PCDH19: variants seen among roughly 807,000 people sequenced by gnomAD.
PCDH19 encodes the protein protocadherin-19.
PCDH19 carries 6 observed loss-of-function variants against 46.2 expected under a neutral mutation model. That is an observed-to-expected ratio of 0.13 (90% CI 0.07 to 0.26). The LOEUF is 0.26. Ranked by LOEUF, PCDH19 falls within the 10% of genes least tolerant of loss-of-function variation. The pLI is 1.00. For synonymous variants in PCDH19, 481 were observed against 415.7 expected (o/e 1.16, Z -1.91); for missense variants, 740 against 972.3 (o/e 0.76, Z 3.18).
In PCDH19 at chrX:100,294,218, G is replaced by A. The variant is rs1924520085; in HGVS notation, c.*2059C>T. The A allele has an allele frequency of 8.9e-6, 1 of 112,017 alleles. No individual in the cohort carries two copies. The highest frequency in any genetic ancestry group is 1.9e-5 in the Non-Finnish European group (1 of 53,117). 9.2% of individuals were successfully genotyped at this position (112,017 alleles called of 1,213,427 possible). A position where few individuals can be genotyped will look rare whatever the true frequency, so the allele number is the denominator to read the frequency against. ...CTACCAAAATGAAATAAATCAGAGG[G>A]AGAAAACTGTATGAGAGGCAATGAA... On this transcript the variant is annotated 3_prime_UTR_variant, in exon 6 of 6. Transcript: ENST00000373034.
chrX:100,343,231 C>G (rs761266250), intron 4 of PCDH19, among the ~76,000 whole-genome samples: 6 of 111,768 alleles, frequency 5.4e-5, no homozygotes, highest in African/African-American at 1.6e-4. Context: ...CCCTGGTTCT[C>G]CACCTTGCAG....
In PCDH19 at chrX:100,403,617, T is replaced by C; in HGVS notation, c.2195A>G (p.Gln732Arg). The C allele has an allele frequency of 8.3e-7, 1 of 1,208,083 alleles. No homozygotes were observed. Among genetic ancestry groups the C allele is most frequent in the Admixed American group, 2.2e-5 (1 of 45,948 alleles). The change falls in exon 2 of 6, where the codon CAA becomes CGA. Residue 732 changes from glutamine to arginine, a missense_variant. Around this residue, in one of 5 missense-constraint regions of PCDH19, gnomAD observed 416 missense variants for 476.8 expected, o/e 0.87. Coordinates refer to ENST00000373034, the MANE Select transcript of PCDH19 (RefSeq NM_001184880.2). ...GATGCAATGCAGACACTTGCTGTTT[T>C]GTCCTTTTATAAAACAGCCGAGGAG... ...TCLLGCFIKG[Q>R]NSKCLHCISV...
At position 100,410,189 on chromosome X, in the gene PCDH19, C is replaced by A; in HGVS notation, c.-1592G>T. On this transcript the variant is annotated 5_prime_UTR_variant, in exon 1 of 6. Coordinates refer to ENST00000373034, the MANE Select transcript of PCDH19 (RefSeq NM_001184880.2). ...GCATGGTGCACGGGAGCTGTGCTGC[C>A]GTCTGTGCCCGCTCGTCCGTCTCCG... The A allele has an allele frequency of 3.4e-6, 1 of 296,662 alleles. No homozygotes were observed. The highest frequency in any genetic ancestry group is 2.0e-4 in the South Asian group (1 of 5,040). 24.4% of individuals were successfully genotyped at this position (296,662 alleles called of 1,213,427 possible). A position where few individuals can be genotyped will look rare whatever the true frequency, so the allele number is the denominator to read the frequency against.
At chrX:100,350,555 C>CA (rs1014905103) in intron 4 of PCDH19, 91 bp downstream of exon 4, 8 of 633,280 alleles carry the variant, frequency 1.3e-5, no homozygotes, top group African/African-American at 1.1e-4. Flanking sequence ...TAAAATCCCC[C>CA]AAAAAAATAC....
chrX:100,351,052 T>C (rs1006280134), intron 3 of PCDH19, among the ~76,000 whole-genome samples: 1 of 113,105 alleles, frequency 8.8e-6, no homozygotes, highest in African/African-American at 3.2e-5. Flanking sequence ...GCCCATCAAA[T>C]TGACTGGAAG....
chrX:100,310,878 G>T (rs1285312138), intron 5 of PCDH19, among the ~76,000 whole-genome samples: 1 of 109,210 alleles, frequency 9.2e-6, no homozygotes, highest in Non-Finnish European at 1.9e-5. Flanking sequence ...TTAGAGACAA[G>T]ATCTCACTCT....
chrX:100,313,901 A>ACACACACTCT lies in PCDH19; in HGVS notation c.2849-17027_2849-17026insAGAGTGTGTG, dbSNP rs1220794158. The stretch of plus-strand genomic sequence containing the variant: ...CACACACACACACACACACACACAC[A>ACACACACTCT]CACACAAAGTCTATACAGAATTGTA... On this transcript the variant is annotated intron_variant, in intron 5 of 5. Transcript: ENST00000373034. 2.1e-3 allele frequency among the ~76,000 whole-genome samples: 218 copies of ACACACACTCT among 102,107 alleles called. 1 individual carries two copies. Among genetic ancestry groups the ACACACACTCT allele is most frequent in the Middle Eastern group, 5.1e-3 (1 of 198 alleles). 88.7% of individuals were successfully genotyped at this position (102,107 alleles called of 115,157 possible).
chrX:100,323,415 A>G (rs1925583774), intron 5 of PCDH19, among the ~76,000 whole-genome samples: 1 of 112,004 alleles, frequency 8.9e-6, no homozygotes, highest in African/African-American at 3.3e-5. Context: ...TGAGATTTCA[A>G]ATGGAAAGCA....
At chrX:100,392,947 G>A (rs1049849866) in intron 3 of PCDH19, among the ~76,000 whole-genome samples, 1 of 110,992 alleles carries the variant, frequency 9.0e-6, no homozygotes, top group Non-Finnish European at 1.9e-5. Flanking sequence ...TATAGCAAAC[G>A]ACCTGTACAC....
At chrX:100,376,833 C>T (rs913288886) in intron 3 of PCDH19, among the ~76,000 whole-genome samples, 1 of 112,279 alleles carries the variant, frequency 8.9e-6, no homozygotes, top group Non-Finnish European at 1.9e-5. Flanking sequence ...AATATTTACA[C>T]CATTGTGAGA....
intron 3 of PCDH19, among the ~76,000 whole-genome samples, chrX:100,364,008 A>G: frequency 9.1e-6 from 1 of 110,156 alleles, no homozygotes; most frequent in South Asian, 3.8e-4. Context: ...AAGCTTTTAT[A>G]AACTAGTTTT....
rs1928314571 is a variant in PCDH19 at position 100,405,388 on chromosome X, T to C, written c.2147+1063A>G. ...CTGCTGGAAAAAAAATGTCATGTAT[T>C]ATCCTAAATTGGATTCTAGGATTCT... On this transcript the variant is annotated intron_variant, in intron 1 of 5. Coordinates refer to ENST00000373034, the MANE Select transcript of PCDH19 (RefSeq NM_001184880.2). 3.6e-5 allele frequency among the ~76,000 whole-genome samples: 4 copies of C among 112,615 alleles called. No individual in the cohort carries two copies. The South Asian group carries it at 1.5e-3, about 41-fold the overall frequency.
At chrX:100,372,673 T>C (rs762975994) in intron 3 of PCDH19, among the ~76,000 whole-genome samples, 4 of 112,153 alleles carry the variant, frequency 3.6e-5, no homozygotes, top group South Asian at 7.4e-4. Flanking sequence ...TTATATTCAA[T>C]AGAAATTTGT....
intron 5 of PCDH19, among the ~76,000 whole-genome samples, chrX:100,299,347 C>T (rs957507000): frequency 1.8e-5 from 2 of 111,966 alleles, no homozygotes; most frequent in East Asian, 5.6e-4. Flanking sequence ...GTCTTCAACA[C>T]GAAGCTCTTA....
chrX:100,316,553 G>A (rs983749143), intron 5 of PCDH19, among the ~76,000 whole-genome samples: 9 of 111,980 alleles, frequency 8.0e-5, no homozygotes, highest in South Asian at 3.7e-4. Context: ...GTATGCCCAT[G>A]TTCCTCTTTA....
At chrX:100,375,521 T>C (rs1409341652) in intron 3 of PCDH19, among the ~76,000 whole-genome samples, 1 of 112,600 alleles carries the variant, frequency 8.9e-6, no homozygotes, top group Non-Finnish European at 1.9e-5. Context: ...TGGTTCCAAG[T>C]CTTTGCTATT....
chrX:100,331,196 C>T (rs930035950), intron 5 of PCDH19, among the ~76,000 whole-genome samples: 1 of 112,241 alleles, frequency 8.9e-6, no homozygotes, highest in African/African-American at 3.2e-5. Flanking sequence ...GACATTGACA[C>T]CTGCACACAC....
intron 5 of PCDH19, among the ~76,000 whole-genome samples, chrX:100,311,720 G>T (rs1925136298): frequency 9.0e-6 from 1 of 110,929 alleles, no homozygotes; most frequent in South Asian, 3.8e-4. Flanking sequence ...TTTGTCATCA[G>T]CTGGGTATCA....
At chrX:100,405,956 A>G (rs750101201) in intron 1 of PCDH19, among the ~76,000 whole-genome samples, 3 of 110,299 alleles carry the variant, frequency 2.7e-5, no homozygotes, top group Non-Finnish European at 5.7e-5. Context: ...TCCCTTTCCC[A>G]TCTTACACTC....
Sources: gnomAD v4.1 joint callset for allele counts (sites outside exome capture counted in the v4.1 genomes callset) on GRCh38, gnomAD v4.1.1 for gene constraint, gnomAD v4.1.1 regional missense constraint, MANE v1.5 for transcripts, NCBI Gene and HGNC (gene_info 2026-07-23, HGNC 2026-07-21) for gene names.